The following TMEM259 variants were observed in gnomAD, a reference collection of about 807,000 sequenced individuals.
The protein encoded by TMEM259 is transmembrane protein 259.
In TMEM259, 26 loss-of-function variants were observed where a neutral mutation model predicts 46.7. That is an observed-to-expected ratio of 0.56 (90% confidence interval 0.41 to 0.77). The LOEUF is 0.77. Ranked by LOEUF, TMEM259 falls within the 30% of genes least tolerant of loss-of-function variation. The pLI is 0.00. For missense variants in TMEM259, 930 were observed against 900.5 expected (o/e 1.03, Z -0.42); for synonymous variants, 494 against 395.1 (o/e 1.25, Z -2.97).
intron 1 of TMEM259, among the ~76,000 whole-genome samples, chr19:1,015,918 C>T (rs905255574): frequency 4.6e-5 from 7 of 152,186 alleles, no homozygotes; most frequent in South Asian, 2.1e-4. Flanking sequence ...CCAGCCCGGC[C>T]GCAGTGCTGT....
chr19:1,019,056 G>A (rs571935344), intron 1 of TMEM259, among the ~76,000 whole-genome samples: 2 of 152,080 alleles, frequency 1.3e-5, no homozygotes, highest in East Asian at 3.9e-4. Context: ...GAGAGAGGAG[G>A]GATTGGGGTT....
At position 1,019,619 on chromosome 19, in the gene TMEM259, G is replaced by A. The variant is rs369551439; in HGVS notation, c.225+1153C>T. 4.6e-5 allele frequency among the ~76,000 whole-genome samples: 7 copies of A among 152,276 alleles called. No individual in the cohort carries two copies. In the East Asian group the frequency reaches 1.2e-3, roughly 25 times the overall value. ...CTGGGACCCACACCCAGGTCCGCAG[G>A]ACGGCCAAGGTCCAGCTCCACTTGC... On this transcript the variant is annotated intron_variant, in intron 1 of 10. Coordinates refer to ENST00000356663, the MANE Select transcript of TMEM259 (RefSeq NM_001033026.2).
chr19:1,019,458 G>A (rs1365597902), intron 1 of TMEM259, among the ~76,000 whole-genome samples: 1 of 152,260 alleles, frequency 6.6e-6, no homozygotes, highest in African/African-American at 2.4e-5. Context: ...TCACAGCCCT[G>A]CTCAGGTGCC....
rs370000938 is a variant in TMEM259 at position 1,010,185 on chromosome 19, AG to A, written c.*164del. 4 of 631,852 alleles carry A rather than the reference AG, an allele frequency of 6.3e-6. No homozygotes were observed. The highest frequency in any genetic ancestry group is 5.0e-5 in the South Asian group (2 of 40,364). The allele number at this position is 631,852 out of a possible 1,614,324, so 39.1% of individuals were successfully genotyped here. ...CAAGCCTCGGGCGCGACCTCACACC[AG>A]GGGGAGGAAAGCCGCCTTCCGGGCA... On this transcript the variant is annotated 3_prime_UTR_variant, in exon 11 of 11. Coordinates refer to ENST00000356663, the MANE Select transcript of TMEM259 (RefSeq NM_001033026.2).
chr19:1,013,817 C>T (rs112513985), intron 2 of TMEM259, among the ~76,000 whole-genome samples: 4,831 of 152,342 alleles, frequency 0.032, 91 homozygotes, highest in South Asian at 0.061. Flanking sequence ...CACCTCAGGA[C>T]GGCCAGGATG....
rs140018971 is a variant in TMEM259 at position 1,012,179 on chromosome 19, C to A, written c.728G>T (p.Arg243Leu). 1 of 1,601,816 alleles carries A rather than the reference C, an allele frequency of 6.2e-7. No individual in the cohort carries two copies. ...PVMVVTLDPT[R>L]DQCFGDRFSR... ...GAAGCGGTCCCCGAAGCACTGGTCC[C>A]GCGTGGGGTCTGCGGGTGGGTGAAT... is the stretch of plus-strand genomic sequence containing the variant. Residue 243 changes from arginine (R) to leucine (L), a missense_variant, in exon 5 of 11, where the codon CGG becomes CTG. Coordinates refer to ENST00000356663, the MANE Select transcript of TMEM259 (RefSeq NM_001033026.2).
Position 1,010,853 on chromosome 19 carries a change from T to C in TMEM259, c.1360A>G (p.Ile454Val). 1 of 1,544,226 alleles carries C rather than the reference T, an allele frequency of 6.5e-7. No homozygotes were observed. Among genetic ancestry groups the C allele is most frequent in the Middle Eastern group, 1.8e-4 (1 of 5,694 alleles). ...TCCTGGATGCGGACCTGCTGCAGGA[T>C]GGCAGGCAGCTCGTAGTGGTGGAAG... ...YFFHHYELPA[I>V]LQQVRIQEML... Residue 454 changes from isoleucine to valine, a missense_variant, in exon 11 of 11, where the codon ATC (isoleucine) becomes GTC (valine). Ile to Val is a conservative substitution (Grantham distance 29, BLOSUM62 3). Transcript: ENST00000356663.
Position 1,011,615 on chromosome 19 carries a change from G to A in TMEM259, c.1049C>T (p.Ala350Val). 6.5e-7 allele frequency: 1 copy of A among 1,546,310 alleles called. No individual in the cohort carries two copies. Among genetic ancestry groups the A allele is most frequent in the South Asian group, 1.2e-5 (1 of 83,968 alleles). Reference sequence around the variant, plus strand: ...CAGGATGACGGTCAGCAGGGGCGCTGCGGGGAAGGCGATGGCCATGTTCAT... The same window carrying A: ...CAGGATGACGGTCAGCAGGGGCGCTACGGGGAAGGCGATGGCCATGTTCAT... ...LEMNMAIAFP[A>V]APLLTVILAL... The change falls in exon 8 of 11, where the codon GCA (alanine) becomes GTA (valine). Residue 350 changes from alanine (A) to valine (V), a missense_variant. By Grantham distance (64) the Ala-to-Val change is moderately conservative. Coordinates refer to ENST00000356663, the MANE Select transcript of TMEM259 (RefSeq NM_001033026.2).
rs756239009 is a variant in TMEM259 at position 1,011,875 on chromosome 19, C to A, written c.942+17G>T. 7.5e-6 allele frequency: 12 copies of A among 1,602,640 alleles called. No homozygotes were observed. Among genetic ancestry groups the A allele is most frequent in the South Asian group, 4.4e-5 (4 of 90,304 alleles). On this transcript the variant is annotated intron_variant, in intron 6 of 10. Transcript: ENST00000356663. Reference sequence around the variant, plus strand: ...CTCCCGCCCGGCCAGCCCCCGCACCCGCCCCGAGGCACTCACGAAGATGAC... The same window carrying A: ...CTCCCGCCCGGCCAGCCCCCGCACCAGCCCCGAGGCACTCACGAAGATGAC...
rs1440245974 is a variant in TMEM259 at position 1,011,180 on chromosome 19, G to A, written c.1233C>T (p.Tyr411=). ...KRHWLRFFYL[Y]HFAFYAYHYR... is the part of the protein sequence containing the mutation. ...AGTGATAGGCATAGAAGGCGAAGTGGTAGAGATAGAAGAACCTGCGGGGCG... is the reference window on the plus strand; with the variant it reads ...AGTGATAGGCATAGAAGGCGAAGTGATAGAGATAGAAGAACCTGCGGGGCG... The change falls in exon 10 of 11, where the codon TAC becomes TAT. Residue 411 remains tyrosine (Y), a synonymous_variant. Coordinates refer to ENST00000356663, the MANE Select transcript of TMEM259 (RefSeq NM_001033026.2). The A allele has an allele frequency of 3.7e-6, 6 of 1,600,314 alleles. No homozygotes were observed. Among genetic ancestry groups the A allele is most frequent in the Non-Finnish European group, 5.1e-6 (6 of 1,173,256 alleles).
intron 1 of TMEM259, among the ~76,000 whole-genome samples, chr19:1,016,575 G>A (rs2039117459): frequency 6.6e-6 from 1 of 152,260 alleles, no homozygotes; most frequent in Non-Finnish European, 1.5e-5. Flanking sequence ...AGTGGGCCGA[G>A]GTCGGGGCTG....
Position 1,010,915 on chromosome 19 carries a change from A to C in TMEM259, c.1318-20T>G, listed in dbSNP as rs769956423. ...GGAATGCTGCGGGAGGGAGAGTGGG[A>C]GTCAGGACGGGCCCGCCCCTGCCCC... On this transcript the variant is annotated intron_variant, in intron 10 of 10. Transcript: ENST00000356663. The C allele has an allele frequency of 6.3e-7, 1 of 1,580,948 alleles. No homozygotes were observed. Among genetic ancestry groups the C allele is most frequent in the East Asian group, 2.3e-5 (1 of 44,020 alleles).
chr19:1,013,578 AG>A (rs1255865947), intron 2 of TMEM259: 1 of 498,330 alleles, frequency 2.0e-6, no homozygotes, highest in Non-Finnish European at 3.7e-6. Flanking sequence ...AGCTGAGGCA[AG>A]GGCCAGCTAC....
intron 1 of TMEM259, among the ~76,000 whole-genome samples, chr19:1,019,865 C>T (rs2039231201): frequency 6.6e-6 from 1 of 152,206 alleles, no homozygotes; most frequent in Non-Finnish European, 1.5e-5. Context: ...GGACCCCGGC[C>T]AGCTTGTTTT....
At position 1,014,428 on chromosome 19, in the gene TMEM259, A is replaced by T. The variant is rs770711650; in HGVS notation, c.271T>A (p.Ser91Thr). The change falls in exon 2 of 11, where the codon TCC (serine) becomes ACC (threonine). Residue 91 changes from serine to threonine, a missense_variant. By Grantham distance (58) the Ser-to-Thr change is moderately conservative. Transcript: ENST00000356663. ...FVLAYIHIVFSRSPINCLEHV... is the reference protein window; with the variant it reads ...FVLAYIHIVFTRSPINCLEHV... ...TCCAGGCAGTTGATGGGCGAGCGGG[A>T]GAAGACGATGTGGATGTAGGCCAGG... 6.2e-7 allele frequency: 1 copy of T among 1,612,114 alleles called. No homozygotes were observed. The highest frequency in any genetic ancestry group is 2.2e-5 in the East Asian group (1 of 44,866).
Position 1,014,201 on chromosome 19 carries a change from G to A in TMEM259, c.498C>T (p.Ser166=). 2 of 1,605,588 alleles carry A rather than the reference G, an allele frequency of 1.2e-6. No individual in the cohort carries two copies. The highest frequency in any genetic ancestry group is 1.7e-6 in the Non-Finnish European group (2 of 1,173,266). ...EELTMEMFGN[S]SIKFELDIEP... Reference sequence around the variant, plus strand: ...CCCAGGCCTGGCTCACCTTGATGGAGCTGTTCCCAAACATCTCCATGGTCA... The same window carrying A: ...CCCAGGCCTGGCTCACCTTGATGGAACTGTTCCCAAACATCTCCATGGTCA... The change falls in exon 2 of 11, where the codon AGC becomes AGT. Residue 166 remains serine, a synonymous_variant. Transcript: ENST00000356663.
At chr19:1,016,089 G>C (rs1405851199) in intron 1 of TMEM259, among the ~76,000 whole-genome samples, 1 of 149,126 alleles carries the variant, frequency 6.7e-6, no homozygotes. Flanking sequence ...AAGAGCCGCA[G>C]GGGATGAAGG....
At chr19:1,018,255 T>C (rs1027406667) in intron 1 of TMEM259, among the ~76,000 whole-genome samples, 2 of 152,158 alleles carry the variant, frequency 1.3e-5, no homozygotes, top group Non-Finnish European at 1.5e-5. Context: ...CGAGGGCCCC[T>C]GGAACACAGG....
chr19:1,009,962 G>T lies in TMEM259; in HGVS notation c.*388C>A, dbSNP rs898853716. ...CACCAGGCAGAGCCGGGCTGAGGCC[G>T]GCCGGCACTAGGGCGCGAGGCCCCA... On this transcript the variant is annotated 3_prime_UTR_variant, in exon 11 of 11. Transcript: ENST00000356663. 2.8e-5 allele frequency: 9 copies of T among 318,010 alleles called. No homozygotes were observed. The highest frequency in any genetic ancestry group is 5.1e-5 in the Admixed American group (1 of 19,600). The allele number at this position is 318,010 out of a possible 1,614,324, so 19.7% of individuals were successfully genotyped here.
Sources: gnomAD v4.1 joint callset for allele counts (sites outside exome capture counted in the v4.1 genomes callset) on GRCh38, gnomAD v4.1.1 for gene constraint, MANE v1.5 for transcripts, NCBI Gene and HGNC (gene_info 2026-07-23, HGNC 2026-07-21) for gene names.